Variants in SYBU observed in about 807,000 individuals in gnomAD.
The protein encoded by SYBU is syntabulin.
In SYBU, 21 loss-of-function variants were observed where a neutral mutation model predicts 35.9. The observed-to-expected ratio is 0.58, with a 90% CI of 0.41 to 0.84. The LOEUF (loss-of-function observed/expected upper bound fraction) is 0.84, where lower values mean the gene tolerates loss of function less well. SYBU is among the 40% of genes least tolerant of loss of function. The probability of loss-of-function intolerance (pLI) is 0.00; values close to 1 mark genes in which losing one functional copy is unlikely to be tolerated. For synonymous variants in SYBU, 319 were observed against 324.3 expected, an observed-to-expected ratio of 0.98 and a Z score of 0.18; for missense variants, 768 against 848.2, an observed-to-expected ratio of 0.91 and a Z score of 1.17.
rs550456717 is a variant in SYBU, at chr8:109,600,175, A to T, written c.428-14013T>A. Among the ~76,000 whole-genome samples, 9 of 152,308 alleles carry T rather than the reference A, an allele frequency of 5.9e-5. No homozygotes were observed. The South Asian group carries it at 1.7e-3, about 28-fold the overall frequency. ...GTGTTCTTTTGTATCCCCATGTGTC[A>T]CACAGGGTTTAGCACAGAGTAGGTG... On this transcript the variant is annotated intron_variant, in intron 3 of 6. Transcript: ENST00000276646.
intron 1 of SYBU, among the ~76,000 whole-genome samples, chr8:109,674,543 T>C (rs28858972): frequency 0.079 from 12,081 of 152,008 alleles, 612 homozygotes; most frequent in East Asian, 0.12. Context: ...GCACTAAATA[T>C]GGAAAGGAAA....
upstream of SYBU, among the ~76,000 whole-genome samples, chr8:109,681,576 A>G (rs1184580834): frequency 6.6e-6 from 1 of 152,222 alleles, no homozygotes; most frequent in Non-Finnish European, 1.5e-5. Flanking sequence ...GGGTCTTTAA[A>G]AATGATGAAG....
upstream of SYBU, chr8:109,644,842 G>T: frequency 1.7e-6 from 1 of 582,860 alleles, no homozygotes; most frequent in South Asian, 2.8e-5. Flanking sequence ...GGGCACGCCC[G>T]ACCCCGCCCC....
upstream of SYBU, among the ~76,000 whole-genome samples, chr8:109,681,284 GAA>G (rs1315918350): frequency 1.3e-5 from 2 of 152,144 alleles, no homozygotes; most frequent in African/African-American, 4.8e-5. Flanking sequence ...AAAGGAGAAA[GAA>G]ATACCTTAGG....
chr8:109,621,872 T>C (rs909427922), intron 2 of SYBU, among the ~76,000 whole-genome samples: 5 of 152,168 alleles, frequency 3.3e-5, no homozygotes, highest in African/African-American at 1.2e-4. Flanking sequence ...GGGCACACTT[T>C]ATCTATGCAA....
chr8:109,616,298 C>A (rs1306293549), intron 3 of SYBU, among the ~76,000 whole-genome samples: 1 of 152,132 alleles, frequency 6.6e-6, no homozygotes, highest in Non-Finnish European at 1.5e-5. Context: ...GCATGAGCCA[C>A]CACGCCCGGC....
intron 2 of SYBU, among the ~76,000 whole-genome samples, chr8:109,632,067 G>A (rs992339560): frequency 7.2e-5 from 11 of 152,132 alleles, no homozygotes; most frequent in African/African-American, 2.4e-4. Flanking sequence ...TTATTTTTTT[G>A]AGACAGAGTT....
At chr8:109,580,053 A>C (rs771293583) in intron 4 of SYBU, 51 bp from the exon 5 acceptor site, 14 of 1,522,112 alleles carry the variant, frequency 9.2e-6, no homozygotes, top group African/African-American at 1.4e-5. Context: ...ACAGATGCCC[A>C]AGGGCTAATG....
upstream of SYBU, among the ~76,000 whole-genome samples, chr8:109,648,262 A>T (rs1004076277): frequency 6.6e-5 from 9 of 136,438 alleles, no homozygotes; most frequent in East Asian, 4.2e-4. Context: ...TATATACAAT[A>T]ATATATATAT....
chr8:109,590,902 G>A (rs1161466314), intron 3 of SYBU, among the ~76,000 whole-genome samples: 2 of 152,136 alleles, frequency 1.3e-5, no homozygotes, highest in Non-Finnish European at 2.9e-5. Context: ...TGAAGGTAAG[G>A]AGACTGTTTT....
intron 1 of SYBU, among the ~76,000 whole-genome samples, chr8:109,651,739 T>C (rs1469095050): frequency 6.6e-6 from 1 of 152,172 alleles, no homozygotes; most frequent in Non-Finnish European, 1.5e-5. Flanking sequence ...TTAATAGATA[T>C]CCTCTGTCCC....
rs1824904155 is a variant in SYBU, at chr8:109,596,560, T to G, written c.428-10398A>C. Among the ~76,000 whole-genome samples, 3 of 152,256 alleles carry G rather than the reference T, an allele frequency of 2.0e-5. No homozygotes were observed. The South Asian group carries it at 6.2e-4, about 31-fold the overall frequency. On this transcript the variant is annotated intron_variant, in intron 3 of 6. Coordinates refer to ENST00000276646, the MANE Select transcript of SYBU (RefSeq NM_001099754.2). ...TTAAAAGGTAGAATTTGAGGATTTT[T>G]GTTTTATTTGTTTTTAACTTTTTAA...
At position 109,658,984 on chromosome 8, in the gene SYBU, C is replaced by CA. The variant is rs562240649; in HGVS notation, c.-129+21726dup. Among the ~76,000 whole-genome samples, 133 of 151,538 alleles carry CA rather than the reference C, an allele frequency of 8.8e-4. No individual in the cohort carries two copies. In the South Asian group the frequency reaches 0.017, roughly 20 times the overall value. Reference sequence around the variant, plus strand: ...AAAAAAAGAAAGAAAGCAACAACAACAAAAAAAACCTTCTGCATTCACCTG... The same window carrying CA: ...AAAAAAAGAAAGAAAGCAACAACAACAAAAAAAAACCTTCTGCATTCACCTG... On this transcript the variant is annotated intron_variant, in intron 1 of 5. Transcript: ENST00000408889.
intron 3 of SYBU, among the ~76,000 whole-genome samples, chr8:109,612,378 C>T (rs1278369459): frequency 1.3e-5 from 2 of 152,194 alleles, no homozygotes; most frequent in Non-Finnish European, 2.9e-5. Context: ...AAATAGCTTA[C>T]AGCCTGTATT....
chr8:109,621,969 A>G (rs978258801), intron 2 of SYBU, among the ~76,000 whole-genome samples: 4 of 152,190 alleles, frequency 2.6e-5, no homozygotes, highest in African/African-American at 9.7e-5. Flanking sequence ...AGAAGAAGTT[A>G]TCTTTACAAG....
At chr8:109,593,389 T>G (rs928344282) in intron 3 of SYBU, among the ~76,000 whole-genome samples, 1 of 152,194 alleles carries the variant, frequency 6.6e-6, no homozygotes, top group Non-Finnish European at 1.5e-5. Flanking sequence ...TACAGAATGA[T>G]CTGTACCCCC....
In SYBU at chr8:109,616,886, C is replaced by T. The variant is rs1811857424; in HGVS notation, c.427+1956G>A. Among the ~76,000 whole-genome samples the T allele has an allele frequency of 2.6e-5, 4 of 151,964 alleles. No individual in the cohort carries two copies. The South Asian group carries it at 8.3e-4, about 32-fold the overall frequency. On this transcript the variant is annotated intron_variant, in intron 3 of 6. Transcript: ENST00000276646. Reference sequence around the variant, plus strand: ...CAGCACAGTGGCTCATGCCTGTAATCCCAGCACTTTGGGAGGCTGAGGCAG... The same window carrying T: ...CAGCACAGTGGCTCATGCCTGTAATTCCAGCACTTTGGGAGGCTGAGGCAG...
At chr8:109,644,261 C>T in intron 1 of SYBU, 1 of 499,972 alleles carries the variant, frequency 2.0e-6, no homozygotes, top group Non-Finnish European at 3.9e-6. Flanking sequence ...ACACCGCAGA[C>T]CCTGAGCTAA....
intron 3 of SYBU, among the ~76,000 whole-genome samples, chr8:109,617,304 T>G (rs1301198664): frequency 6.6e-6 from 1 of 152,120 alleles, no homozygotes; most frequent in Non-Finnish European, 1.5e-5. Flanking sequence ...AGAGAGTAGG[T>G]TAGTGCTTTT....
Sources: allele counts gnomAD v4.1 joint callset (sites outside exome capture counted in the v4.1 genomes callset), GRCh38; gene constraint gnomAD v4.1.1; transcripts MANE v1.5; gene names NCBI Gene and HGNC (gene_info 2026-07-23, HGNC 2026-07-21).